Variants in GPC5 observed in about 807,000 individuals in gnomAD.
GPC5 encodes glypican 5, also known as glypican-5.
Under a neutral mutation model 53.9 loss-of-function variants are expected in GPC5, and 47 were observed. The ratio of observed to expected loss-of-function variants is 0.87; its 90% CI spans 0.69 to 1.11. The LOEUF is 1.11. Ranked by LOEUF, GPC5 falls within the 50% of genes most tolerant of loss-of-function variation. The pLI, the probability that GPC5 is intolerant of heterozygous loss-of-function variation, is 0.00. For missense variants in GPC5, 748 were observed against 713.1 expected, an observed-to-expected ratio of 1.05 and a Z score of -0.56; for synonymous variants, 286 against 263.3, an observed-to-expected ratio of 1.09 and a Z score of -0.84.
chr13:92,851,887 C>CAAAA (rs71202563), intron 7 of GPC5, among the ~76,000 whole-genome samples: 6 of 59,168 alleles, frequency 1.0e-4, no homozygotes, highest in Non-Finnish European at 1.4e-4. Flanking sequence ...GACTCCGTCT[C>CAAAA]AAAAAAAAAA....
intron 7 of GPC5, among the ~76,000 whole-genome samples, chr13:92,513,737 G>C (rs1029599413): frequency 6.6e-6 from 1 of 151,894 alleles, no homozygotes; most frequent in African/African-American, 2.4e-5. Flanking sequence ...GATATCTTGG[G>C]GTTCGGATCC....
At chr13:91,894,473 A>G (rs2039420519) in intron 5 of GPC5, among the ~76,000 whole-genome samples, 1 of 152,236 alleles carries the variant, frequency 6.6e-6, no homozygotes, top group East Asian at 1.9e-4. Flanking sequence ...ATCCAACAAC[A>G]TACGAGGAAA....
At chr13:91,790,529 C>T (rs1413654449) in intron 5 of GPC5, among the ~76,000 whole-genome samples, 1 of 152,140 alleles carries the variant, frequency 6.6e-6, no homozygotes, top group East Asian at 1.9e-4. Flanking sequence ...ATGCTCCTAC[C>T]CTCATGAGCT....
At chr13:91,872,459 CAT>C (rs1005994965) in intron 5 of GPC5, among the ~76,000 whole-genome samples, 31 of 152,114 alleles carry the variant, frequency 2.0e-4, no homozygotes, top group African/African-American at 7.5e-4. Flanking sequence ...AAAAAGGAAA[CAT>C]ATTCATATGT....
At chr13:92,395,917 T>C (rs1437374692) in intron 7 of GPC5, among the ~76,000 whole-genome samples, 1 of 151,774 alleles carries the variant, frequency 6.6e-6, no homozygotes, top group East Asian at 1.9e-4. Flanking sequence ...GTTTTTTTTT[T>C]TTTTGTATTT....
intron 7 of GPC5, among the ~76,000 whole-genome samples, chr13:92,173,727 T>C (rs1244994975): frequency 6.6e-6 from 1 of 152,202 alleles, no homozygotes; most frequent in Non-Finnish European, 1.5e-5. Flanking sequence ...TGAACACTCA[T>C]CTCCCCTTAC....
intron 7 of GPC5, among the ~76,000 whole-genome samples, chr13:92,390,742 A>G (rs2296843): frequency 0.69 from 104,620 of 152,048 alleles, 36,750 homozygotes; most frequent in African/African-American, 0.82. Flanking sequence ...AAAAAAAGCA[A>G]TTTTTCAGAA....
chr13:91,663,903 G>A (rs1409603), intron 2 of GPC5, among the ~76,000 whole-genome samples: 1 of 151,964 alleles, frequency 6.6e-6, no homozygotes, highest in Non-Finnish European at 1.5e-5. Flanking sequence ...CCTTGCACTC[G>A]TGGGTTCGAA....
At chr13:91,460,359 G>A (rs896675567) in intron 2 of GPC5, among the ~76,000 whole-genome samples, 25 of 151,576 alleles carry the variant, frequency 1.6e-4, no homozygotes, top group African/African-American at 4.4e-4. Context: ...GTACAGTGGC[G>A]TGGTCTTAGC....
chr13:91,777,536 G>A (rs1410382062), intron 5 of GPC5, among the ~76,000 whole-genome samples: 1 of 152,176 alleles, frequency 6.6e-6, no homozygotes, highest in Admixed American at 6.5e-5. Flanking sequence ...TAATTCTGTT[G>A]ATTCATTACA....
At chr13:91,630,597 C>T (rs888049884) in intron 2 of GPC5, among the ~76,000 whole-genome samples, 16 of 152,184 alleles carry the variant, frequency 1.1e-4, no homozygotes, top group Non-Finnish European at 2.4e-4. Flanking sequence ...GACCCAGTTA[C>T]AGTCAGTGGC....
At chr13:91,884,174 TGGAAG>T (rs2039298314) in intron 5 of GPC5, among the ~76,000 whole-genome samples, 1 of 152,146 alleles carries the variant, frequency 6.6e-6, no homozygotes, top group Non-Finnish European at 1.5e-5. Context: ...TCGACCACTG[TGGAAG>T]ACAGTGTGGT....
intron 7 of GPC5, among the ~76,000 whole-genome samples, chr13:92,560,853 TTA>T (rs1314857015): frequency 2.9e-4 from 27 of 92,768 alleles, no homozygotes; most frequent in African/African-American, 8.1e-4. Context: ...AAATAGAAAA[TTA>T]TATGTGTGTG....
chr13:91,974,424 C>T (rs1359383470), intron 6 of GPC5, among the ~76,000 whole-genome samples: 1 of 152,044 alleles, frequency 6.6e-6, no homozygotes, highest in African/African-American at 2.4e-5. Flanking sequence ...AGCAAAGTCT[C>T]AGGATACAAA....
chr13:92,147,195 AT>A lies in GPC5; in HGVS notation c.1561+2216del, dbSNP rs552489833. Among the ~76,000 whole-genome samples the A allele has an allele frequency of 7.1e-3, 1,067 of 150,080 alleles. 10 individuals carry two copies. Among genetic ancestry groups the A allele is most frequent in the African/African-American group, 0.025 (1,010 of 41,090 alleles). The stretch of plus-strand genomic sequence containing the variant: ...TGAAAAAGGGTTTTCACTAGAAACA[AT>A]TTTTTTTTTACTAAAAGCTAAAATA... On this transcript the variant is annotated intron_variant, in intron 7 of 7. Coordinates refer to ENST00000377067, the MANE Select transcript of GPC5 (RefSeq NM_004466.6).
At chr13:92,808,955 G>T (rs1024083627) in intron 7 of GPC5, among the ~76,000 whole-genome samples, 1 of 151,990 alleles carries the variant, frequency 6.6e-6, no homozygotes, top group Non-Finnish European at 1.5e-5. Flanking sequence ...CAAGATACTA[G>T]GAGCTCAGTA....
At chr13:92,470,921 C>A (rs900238949) in intron 7 of GPC5, among the ~76,000 whole-genome samples, 1 of 152,058 alleles carries the variant, frequency 6.6e-6, no homozygotes, top group African/African-American at 2.4e-5. Flanking sequence ...TGAGAAGAAG[C>A]AAGTTGCTTT....
chr13:91,645,877 T>C (rs1440626544), intron 2 of GPC5, among the ~76,000 whole-genome samples: 1 of 152,206 alleles, frequency 6.6e-6, no homozygotes, highest in Non-Finnish European at 1.5e-5. Context: ...ACAAGTCCTC[T>C]GGTAACATTA....
At chr13:92,600,438 G>T (rs1884009476) in intron 7 of GPC5, among the ~76,000 whole-genome samples, 1 of 152,010 alleles carries the variant, frequency 6.6e-6, no homozygotes, top group Admixed American at 6.6e-5. Flanking sequence ...GCAAGATTCT[G>T]CCAGTTAAGA....
Sources: gnomAD v4.1 joint callset for allele counts (sites outside exome capture counted in the v4.1 genomes callset) on GRCh38, gnomAD v4.1.1 for gene constraint, MANE v1.5 for transcripts, NCBI Gene and HGNC (gene_info 2026-07-23, HGNC 2026-07-21) for gene names.